Variants in PRTG observed in about 807,000 individuals in gnomAD.
The protein encoded by PRTG is protogenin.
In PRTG, 67 loss-of-function variants were observed where a neutral mutation model predicts 122.5. The observed-to-expected ratio is 0.55, with a 90% CI of 0.45 to 0.67. The LOEUF (loss-of-function observed/expected upper bound fraction) is 0.67. Ranked by LOEUF, PRTG falls within the 30% of genes least tolerant of loss-of-function variation. PRTG has a pLI of 0.00. For synonymous variants in PRTG, 554 were observed against 501.1 expected (o/e 1.11, Z -1.41); for missense variants, 1,435 against 1,415.4 (o/e 1.01, Z -0.22).
chr15:55,665,363 C>T (rs2059433494), intron 11 of PRTG, among the ~76,000 whole-genome samples: 1 of 152,150 alleles, frequency 6.6e-6, no homozygotes, highest in Admixed American at 6.5e-5. Flanking sequence ...TTCAGCATTT[C>T]AGTAAACTCC....
chr15:55,725,144 T>C (rs1213873762), intron 2 of PRTG, among the ~76,000 whole-genome samples: 1 of 152,190 alleles, frequency 6.6e-6, no homozygotes, highest in East Asian at 1.9e-4. Flanking sequence ...GAAGATGTAA[T>C]GTGTGACAAT....
intron 2 of PRTG, among the ~76,000 whole-genome samples, chr15:55,710,452 T>G (rs1378081577): frequency 6.6e-6 from 1 of 152,224 alleles, no homozygotes; most frequent in African/African-American, 2.4e-5. Context: ...AAAAGTGTTC[T>G]CTTAATCCCA....
intron 2 of PRTG, among the ~76,000 whole-genome samples, chr15:55,700,325 T>C (rs2059654958): frequency 6.6e-6 from 1 of 152,188 alleles, no homozygotes; most frequent in Non-Finnish European, 1.5e-5. Context: ...ATTAATTAAA[T>C]TGGGTCAAAG....
chr15:55,655,665 T>C (rs2141761102), intron 11 of PRTG: 1 of 152,070 alleles, frequency 6.6e-6, no homozygotes, highest in East Asian at 1.9e-4. Flanking sequence ...TTGGACAGTA[T>C]GAACAGGCGG....
chr15:55,641,932 TGGGAGGCCGAGGCGGG>T (rs1304135078), intron 11 of PRTG, among the ~76,000 whole-genome samples: 1 of 151,680 alleles, frequency 6.6e-6, no homozygotes, highest in East Asian at 1.9e-4. Context: ...CCCAGCACTT[TGGGAGGCCGAGGCGGG>T]TGGATCATGA....
chr15:55,679,256 A>G (rs2059522857), intron 7 of PRTG, 30 bp downstream of exon 7: 2 of 1,498,692 alleles, frequency 1.3e-6, no homozygotes, highest in Non-Finnish European at 1.9e-6. Flanking sequence ...TATATCATAT[A>G]TAAAATGGTA....
At chr15:55,621,483 C>G (rs2059165941) in intron 18 of PRTG, among the ~76,000 whole-genome samples, 1 of 152,022 alleles carries the variant, frequency 6.6e-6, no homozygotes. Flanking sequence ...CAGTGAAATC[C>G]CGTCTCTACT....
intron 17 of PRTG, among the ~76,000 whole-genome samples, chr15:55,626,509 T>C (rs78483851): frequency 1.3e-5 from 2 of 150,678 alleles, no homozygotes; most frequent in Admixed American, 1.3e-4. Context: ...TTTGGGAGGA[T>C]GAGGCGGGCA....
At chr15:55,703,695 A>C (rs2029974837) in intron 2 of PRTG, among the ~76,000 whole-genome samples, 1 of 152,212 alleles carries the variant, frequency 6.6e-6, no homozygotes, top group Admixed American at 6.5e-5. Context: ...GAGCTGATAA[A>C]ATGAAGATAA....
chr15:55,663,820 G>A (rs1323737046), intron 11 of PRTG, among the ~76,000 whole-genome samples: 1 of 152,104 alleles, frequency 6.6e-6, no homozygotes. Context: ...GGGATTACAG[G>A]CGTGAGCTAC....
At chr15:55,656,455 G>A in intron 11 of PRTG, 2 of 403,234 alleles carry the variant, frequency 5.0e-6, no homozygotes, top group Non-Finnish European at 9.7e-6. Context: ...TAATCTGTTA[G>A]GTTGCTTGTT....
chr15:55,727,442 TGAA>T (rs2031073491), intron 2 of PRTG, among the ~76,000 whole-genome samples: 2 of 152,042 alleles, frequency 1.3e-5, no homozygotes, highest in South Asian at 2.1e-4. Context: ...CTAAACTGAC[TGAA>T]GAAGAAATAT....
At position 55,624,515 on chromosome 15, in the gene PRTG, A is replaced by AT. The variant is rs762890193; in HGVS notation, c.2928-9dup. On this transcript the variant is annotated splice_polypyrimidine_tract_variant and intron_variant, in intron 17 of 19. Coordinates refer to ENST00000389286, the MANE Select transcript of PRTG (RefSeq NM_173814.6). ...TTGGAAGCAGATGATTTCCTAAAAC[A>AT]TTGGCAAGAAGAGGAAGTCTTCTAA... is the stretch of plus-strand genomic sequence containing the variant. 6.2e-7 allele frequency: 1 copy of AT among 1,606,642 alleles called. No individual in the cohort carries two copies. The highest frequency in any genetic ancestry group is 8.5e-7 in the Non-Finnish European group (1 of 1,176,604).
At chr15:55,735,153 G>A (rs1182446243) in intron 2 of PRTG, among the ~76,000 whole-genome samples, 2 of 151,946 alleles carry the variant, frequency 1.3e-5, no homozygotes, top group Non-Finnish European at 1.5e-5. Flanking sequence ...TAATTTGGGA[G>A]GATTTTTATG....
chr15:55,725,540 G>A (rs2030996427), intron 2 of PRTG, among the ~76,000 whole-genome samples: 1 of 151,772 alleles, frequency 6.6e-6, no homozygotes, highest in African/African-American at 2.4e-5. Context: ...AGGATGCAGT[G>A]AGCCGTGATC....
intron 2 of PRTG, among the ~76,000 whole-genome samples, chr15:55,687,843 C>T (rs2141823885): frequency 6.6e-6 from 1 of 152,314 alleles, no homozygotes; most frequent in East Asian, 1.9e-4. Flanking sequence ...CTGCTTAGGA[C>T]TTTCATCGGT....
At chr15:55,677,674 AAG>A in intron 8 of PRTG, 121 bp downstream of exon 8, 1 of 823,668 alleles carries the variant, frequency 1.2e-6, no homozygotes, top group Non-Finnish European at 1.9e-6. Flanking sequence ...TATTTTATCA[AAG>A]AAGATAAATG....
chr15:55,722,113 G>T lies in PRTG; in HGVS notation c.397+18269C>A, dbSNP rs144473125. On this transcript the variant is annotated intron_variant, in intron 2 of 19. Transcript: ENST00000389286. ...AGAAAAAGAGAGAGATGAAGTCAAT[G>T]TGGCAAAAAGTTAGTTAACAGCTGG... 1.8e-4 allele frequency among the ~76,000 whole-genome samples: 27 copies of T among 152,296 alleles called. No homozygotes were observed. In the East Asian group the frequency reaches 5.0e-3, roughly 28 times the overall value.
At chr15:55,742,170 C>T (rs2031628656) in intron 1 of PRTG, 1 of 152,350 alleles carries the variant, frequency 6.6e-6, no homozygotes, top group Non-Finnish European at 1.5e-5. Context: ...ACCTACCTTC[C>T]TTTTCAGCTT....
Sources: gnomAD v4.1 joint callset for allele counts (sites outside exome capture counted in the v4.1 genomes callset) on GRCh38, gnomAD v4.1.1 for gene constraint, MANE v1.5 for transcripts, NCBI Gene and HGNC (gene_info 2026-07-23, HGNC 2026-07-21) for gene names.